The following EGFL7 variants were observed in gnomAD, a reference collection of about 807,000 sequenced individuals.
The protein encoded by EGFL7 is EGF like domain multiple 7.
EGFL7 carries 48 observed loss-of-function variants against 37.1 expected under a neutral mutation model. The observed-to-expected ratio is 1.29, with a 90% CI of 1.03 to 1.65. The LOEUF (loss-of-function observed/expected upper bound fraction) is 1.65, where lower values mean the gene tolerates loss of function less well. EGFL7 is among the 40% of genes most tolerant of loss of function. The pLI is 0.00. For missense variants in EGFL7, 384 were observed against 378.9 expected (o/e 1.01, Z -0.11); for synonymous variants, 180 against 156.8 (o/e 1.15, Z -1.10).
intron 4 of EGFL7, 72 bp from the exon 5 acceptor site, chr9:136,668,485 C>A (rs756929976): frequency 3.9e-6 from 6 of 1,552,712 alleles, no homozygotes; most frequent in Non-Finnish European, 5.3e-6. Flanking sequence ...GGTCCTGCCC[C>A]GGCCACATGT....
At chr9:136,667,199 C>T (rs1239136213) in intron 3 of EGFL7, among the ~76,000 whole-genome samples, 1 of 152,172 alleles carries the variant, frequency 6.6e-6, no homozygotes, top group Non-Finnish European at 1.5e-5. Flanking sequence ...CTCAGAGACC[C>T]TATTCTAGTG....
At chr9:136,669,582 T>G in intron 5 of EGFL7, 24 bp from the exon 6 acceptor site, 1 of 1,570,056 alleles carries the variant, frequency 6.4e-7, no homozygotes, top group Non-Finnish European at 8.7e-7. Flanking sequence ...GATGCCCCTC[T>G]GAGCTGTCCC....
At position 136,668,363 on chromosome 9, in the gene EGFL7, G is replaced by A. The variant is rs758996126; in HGVS notation, c.80+1G>A. The A allele has an allele frequency of 2.5e-6, 4 of 1,595,264 alleles. No individual in the cohort carries two copies. In the East Asian group the frequency reaches 9.0e-5, roughly 36 times the overall value. The stretch of plus-strand genomic sequence containing the variant: ...GCACAGAGCACGCCTACCGGCCCGG[G>A]TGAGCCAAGCCCTAGCCTGGGAGTG... On this transcript the variant is annotated splice_donor_variant, in intron 4 of 10. Transcript: ENST00000308874. LOFTEE classifies it high-confidence loss of function.
At chr9:136,664,267 G>A (rs1221795906) in intron 2 of EGFL7, among the ~76,000 whole-genome samples, 4 of 152,162 alleles carry the variant, frequency 2.6e-5, no homozygotes, top group East Asian at 1.9e-4. Context: ...AGGGTGGGGC[G>A]GCCTCATTTT....
chr9:136,665,850 CGGGGTCCGGTCGCCGCCCGGGCT>C (rs1441948655), intron 3 of EGFL7: 2 of 139,066 alleles, frequency 1.4e-5, no homozygotes, highest in African/African-American at 5.1e-5. Flanking sequence ...GCGCCGGGGT[CGGGGTCCGGTCGCCGCCCGGGCT>C]GGGTCGAGGG....
At chr9:136,661,719 T>C (rs12375984), upstream of EGFL7, among the ~76,000 whole-genome samples, 16,194 of 152,202 alleles carry the variant, frequency 0.11, 1,077 homozygotes, top group South Asian at 0.19. Flanking sequence ...GCGCATCGCG[T>C]GTGGGTGAGG....
rs746379246 is a variant in EGFL7, at chr9:136,672,325, G to A, written c.*39G>A. On this transcript the variant is annotated 3_prime_UTR_variant, in exon 11 of 11. Coordinates refer to ENST00000308874, the MANE Select transcript of EGFL7 (RefSeq NM_016215.5). The stretch of plus-strand genomic sequence containing the variant: ...CAGGCTGGACTGAGCCCCTCACGCC[G>A]CCCTGCAGCCCCCATGCCCCTGCCC... 245 of 1,612,496 alleles carry A rather than the reference G, an allele frequency of 1.5e-4. 1 individual carries two copies. The highest frequency in any genetic ancestry group is 1.6e-4 in the Middle Eastern group (1 of 6,080).
chr9:136,661,718 G>A (rs745412560), upstream of EGFL7, among the ~76,000 whole-genome samples: 7 of 152,200 alleles, frequency 4.6e-5, no homozygotes, highest in African/African-American at 7.2e-5. Context: ...GGCGCATCGC[G>A]TGTGGGTGAG....
chr9:136,661,345 G>A (rs1845134873), upstream of EGFL7, among the ~76,000 whole-genome samples: 1 of 152,178 alleles, frequency 6.6e-6, no homozygotes, highest in African/African-American at 2.4e-5. Flanking sequence ...CCCCTGGGTG[G>A]GAGAGCCAGG....
rs974842083 is a variant in EGFL7 at position 136,666,241 on chromosome 9, T to C, written c.-43+1456T>C. Among the ~76,000 whole-genome samples the C allele has an allele frequency of 1.3e-5, 2 of 151,440 alleles. No individual in the cohort carries two copies. The highest frequency in any genetic ancestry group is 1.3e-4 in the Admixed American group (2 of 15,210). On this transcript the variant is annotated intron_variant, in intron 3 of 10. Transcript: ENST00000308874. This position sits in a 1 kb window ranked among gnomAD's most constrained non-coding sequence, Gnocchi z 6.8. ...GCGGGCAGGTCCGTCTCGCTCCGCC[T>C]CTGCGCCCTCCCTCGTGGGCCCCGC...
chr9:136,672,119 C>T, intron 10 of EGFL7, 31 bp downstream of exon 10: 4 of 1,552,002 alleles, frequency 2.6e-6, no homozygotes, highest in Non-Finnish European at 3.5e-6. Context: ...GAGCCCTCCT[C>T]CCGGGTCTGG....
Position 136,668,322 on chromosome 9 carries a change from G to C in EGFL7, c.40G>C (p.Val14Leu). The C allele has an allele frequency of 1.2e-6, 2 of 1,608,242 alleles. No homozygotes were observed. Among genetic ancestry groups the C allele is most frequent in the African/African-American group, 1.3e-5 (1 of 74,980 alleles). Reference sequence around the variant, plus strand: ...GGAGGTGCTGCTGATGTGGCTTCTGGTGTTGGCAGTGGGCGGCACAGAGCA... The same window carrying C: ...GGAGGTGCTGCTGATGTGGCTTCTGCTGTTGGCAGTGGGCGGCACAGAGCA... ...SQEVLLMWLL[V>L]LAVGGTEHAY... Residue 14 changes from valine (V) to leucine (L), a missense_variant, in exon 4 of 11, where the codon GTG (valine) becomes CTG (leucine). Val to Leu is a conservative substitution (Grantham distance 32). Transcript: ENST00000308874.
In EGFL7 at chr9:136,666,665, T is replaced by G. The variant is rs1845499016; in HGVS notation, c.-42-1576T>G. Among the ~76,000 whole-genome samples the G allele has an allele frequency of 6.6e-6, 1 of 151,606 alleles. No homozygotes were observed. Among genetic ancestry groups the G allele is most frequent in the African/African-American group, 2.4e-5 (1 of 41,244 alleles). The stretch of plus-strand genomic sequence containing the variant: ...CCAATATGTGTGGGGGGCAATGAGG[T>G]CTGGGAGATTCGCCTACCCCCAGGC... On this transcript the variant is annotated intron_variant, in intron 3 of 10. Transcript: ENST00000308874. This position sits in a 1 kb window ranked among gnomAD's most constrained non-coding sequence, Gnocchi z 6.8.
chr9:136,672,538 A>C lies in EGFL7; in HGVS notation c.*252A>C. ...GCTACCCCAACGGCATCCCAAGGCC[A>C]GGTGGGCCCTCAGCTGAGGGAAGGT... On this transcript the variant is annotated 3_prime_UTR_variant, in exon 11 of 11. Transcript: ENST00000308874. 2 of 596,642 alleles carry C rather than the reference A, an allele frequency of 3.4e-6. No homozygotes were observed. The highest frequency in any genetic ancestry group is 6.0e-6 in the Non-Finnish European group (2 of 335,282). The allele number at this position is 596,642 out of a possible 1,614,324, so 37.0% of individuals were successfully genotyped here.
At chr9:136,670,049 T>C in intron 7 of EGFL7, 40 bp downstream of exon 7, 2 of 1,587,952 alleles carry the variant, frequency 1.3e-6, no homozygotes, top group Non-Finnish European at 8.6e-7. Flanking sequence ...GGAAGGGTCC[T>C]GGGCACCTCC....
At position 136,668,605 on chromosome 9, in the gene EGFL7, G is replaced by T; in HGVS notation, c.129G>T (p.Ser43=). ...VRAHGDPVSE[S]FVQRVYQPFL... is the part of the protein sequence containing the mutation. ...CTCACGGGGACCCTGTCTCCGAGTC[G>T]TTCGTGCAGCGTGTGTACCAGCCCT... The change falls in exon 5 of 11, where the codon TCG becomes TCT. Residue 43 remains serine, a synonymous_variant. Transcript: ENST00000308874. 1 of 1,608,398 alleles carries T rather than the reference G, an allele frequency of 6.2e-7. No individual in the cohort carries two copies. Among genetic ancestry groups the T allele is most frequent in the South Asian group, 1.1e-5 (1 of 91,082 alleles).
chr9:136,662,558 C>T (rs969102565), upstream of EGFL7, among the ~76,000 whole-genome samples: 1 of 152,204 alleles, frequency 6.6e-6, no homozygotes, highest in African/African-American at 2.4e-5. Flanking sequence ...AAAGATGCAG[C>T]AGCTCCCTTC....
intron 4 of EGFL7, 32 bp downstream of exon 4, chr9:136,668,394 G>GT (rs1564277437): frequency 6.4e-7 from 1 of 1,555,922 alleles, no homozygotes; most frequent in East Asian, 2.3e-5. Context: ...GAGTGCTGGG[G>GT]TGGGGGGACC....
At chr9:136,661,645 C>T (rs112270721), upstream of EGFL7, among the ~76,000 whole-genome samples, 2,086 of 152,306 alleles carry the variant, frequency 0.014, 54 homozygotes, top group African/African-American at 0.047. Context: ...CACAGCCTGG[C>T]GCCCAGAGCA....
Sources: gnomAD v4.1 joint callset for allele counts (sites outside exome capture counted in the v4.1 genomes callset) on GRCh38, gnomAD v4.1.1 for gene constraint, Gnocchi (gnomAD v3.1) non-coding constraint, MANE v1.5 for transcripts, NCBI Gene and HGNC (gene_info 2026-07-23, HGNC 2026-07-21) for gene names.